ADAM11: variants seen among roughly 807,000 people sequenced by gnomAD.
ADAM11 encodes the protein disintegrin and metalloproteinase domain-containing protein 11.
In ADAM11, 49 loss-of-function variants were observed where a neutral mutation model predicts 119.1. The observed-to-expected ratio is 0.41, with a 90% CI of 0.33 to 0.52. ADAM11 has a LOEUF of 0.52. ADAM11 is among the 20% of genes least tolerant of loss of function. The probability of loss-of-function intolerance (pLI) is 0.20; values close to 1 mark genes in which losing one functional copy is unlikely to be tolerated. For synonymous variants in ADAM11, 364 were observed against 408.0 expected (o/e 0.89, Z 1.30); for missense variants, 777 against 1,047.5 (o/e 0.74, Z 3.56).
At chr17:44,767,547 G>A (rs2049465865) in intron 2 of ADAM11, among the ~76,000 whole-genome samples, 1 of 152,006 alleles carries the variant, frequency 6.6e-6, no homozygotes, top group Admixed American at 6.6e-5. Context: ...GTCCCCGCAT[G>A]GGGCCAGGCC....
rs1239759780 is a variant in ADAM11 at position 44,772,888 on chromosome 17, A to G, written c.710A>G (p.Glu237Gly). Residue 237 changes from glutamate (E) to glycine (G), a missense_variant, in exon 9 of 27, where the codon GAA (glutamate) becomes GGA (glycine). Coordinates refer to ENST00000200557, the MANE Select transcript of ADAM11 (RefSeq NM_002390.6). The surrounding 1 kb of genome is among the most constrained non-coding windows in gnomAD (Gnocchi z 4.5). ...CGGGGCCACCCTACAGTGCACAGTG[A>G]AACCAAGTATGTGGAGCTAATTGTG... The part of the protein sequence containing the change: ...VRRGHPTVHS[E>G]TKYVELIVIN... 4 of 1,613,820 alleles carry G rather than the reference A, an allele frequency of 2.5e-6. No individual in the cohort carries two copies. Among genetic ancestry groups the G allele is most frequent in the Non-Finnish European group, 3.4e-6 (4 of 1,179,932 alleles).
intron 2 of ADAM11, among the ~76,000 whole-genome samples, chr17:44,766,566 C>T (rs34004413): frequency 3.3e-4 from 50 of 152,232 alleles, no homozygotes; most frequent in African/African-American, 1.1e-3. Flanking sequence ...TGTGGCGACA[C>T]GAACTCCAGC....
chr17:44,770,401 G>T (rs989707798), intron 4 of ADAM11, among the ~76,000 whole-genome samples: 5 of 151,936 alleles, frequency 3.3e-5, no homozygotes, highest in African/African-American at 9.7e-5. Context: ...TCAAGGCCCC[G>T]AAAATCCCAG....
rs774551713 is a variant in ADAM11 at position 44,773,463 on chromosome 17, G to A, written c.992+36G>A. ...CACCCTGCACCTCCTGCCAGCCTCTGCTAGTTGCTACAGTGCTTGGGATTA... is the reference window on the plus strand; with the variant it reads ...CACCCTGCACCTCCTGCCAGCCTCTACTAGTTGCTACAGTGCTTGGGATTA... On this transcript the variant is annotated intron_variant, in intron 11 of 26. Transcript: ENST00000200557. The surrounding 1 kb of genome is among the most constrained non-coding windows in gnomAD (Gnocchi z 4.6). The A allele has an allele frequency of 2.5e-6, 4 of 1,602,366 alleles. No homozygotes were observed. The highest frequency in any genetic ancestry group is 1.7e-5 in the Admixed American group (1 of 59,650).
rs1279626887 is a variant in ADAM11, at chr17:44,775,601, T to C, written c.1410T>C (p.Gly470=). The part of the protein sequence containing the change: ...CGSVQECSRA[G]GNCCKKCTLT... ...TCCCTCAGGAGTGCAGCCGCGCAGG[T>C]GGCAACTGCTGCAAGAAATGCACCC... The change falls in exon 17 of 27, where the codon GGT becomes GGC. Residue 470 remains glycine (G), a synonymous_variant. Coordinates refer to ENST00000200557, the MANE Select transcript of ADAM11 (RefSeq NM_002390.6). This position sits in a 1 kb window ranked among gnomAD's most constrained non-coding sequence, Gnocchi z 7.5. The C allele has an allele frequency of 6.3e-7, 1 of 1,581,284 alleles. No homozygotes were observed. The highest frequency in any genetic ancestry group is 8.6e-7 in the Non-Finnish European group (1 of 1,164,916).
intron 13 of ADAM11, 37 bp from the exon 14 acceptor site, chr17:44,774,661 C>T: frequency 6.3e-7 from 1 of 1,593,070 alleles, no homozygotes; most frequent in Non-Finnish European, 8.6e-7. Flanking sequence ...AGGGGTGGTC[C>T]TTGGCCTCCC....
At chr17:44,778,848 G>C (rs2049647786) in intron 25 of ADAM11, among the ~76,000 whole-genome samples, 1 of 152,118 alleles carries the variant, frequency 6.6e-6, no homozygotes, top group Non-Finnish European at 1.5e-5. Flanking sequence ...TAGCCACAGA[G>C]TGGAGCTGGG....
Position 44,773,582 on chromosome 17 carries a change from T to G in ADAM11, c.992+155T>G, listed in dbSNP as rs1167057379. 6.6e-6 allele frequency among the ~76,000 whole-genome samples: 1 copy of G among 152,190 alleles called. No homozygotes were observed. Among genetic ancestry groups the G allele is most frequent in the African/African-American group, 2.4e-5 (1 of 41,446 alleles). On this transcript the variant is annotated intron_variant, in intron 11 of 26. Transcript: ENST00000200557. This position sits in a 1 kb window ranked among gnomAD's most constrained non-coding sequence, Gnocchi z 4.6. ...CCTACCCCCAGCCACATGCAACAGC[T>G]GGGCATCATCCCCTGAATCTGAGGT...
intron 26 of ADAM11, 32 bp from the exon 27 acceptor site, chr17:44,779,707 C>T (rs747920670): frequency 3.8e-6 from 6 of 1,586,074 alleles, no homozygotes; most frequent in African/African-American, 1.4e-5. Flanking sequence ...CCCCTGCTCA[C>T]GTCCTCCCCT....
In ADAM11 at chr17:44,770,488, T is replaced by TCAC. The variant is rs1158996609; in HGVS notation, c.381+441_381+442insACC. ...AATGAGTGTCTATAAATAGCCTGTC[T>TCAC]CCCCCCCCCCCGCCCCCACTGCCTG... On this transcript the variant is annotated intron_variant, in intron 4 of 26. Transcript: ENST00000200557. Among the ~76,000 whole-genome samples, 140 of 60,244 alleles carry TCAC rather than the reference T, an allele frequency of 2.3e-3. 5 individuals carry two copies. Among genetic ancestry groups the TCAC allele is most frequent in the African/African-American group, 7.0e-3 (131 of 18,808 alleles). 39.5% of individuals were successfully genotyped at this position (60,244 alleles called of 152,430 possible).
At position 44,771,814 on chromosome 17, in the gene ADAM11, C is replaced by T; in HGVS notation, c.526C>T (p.Pro176Ser). The change falls in exon 6 of 27, where the codon CCT becomes TCT. Residue 176 changes from proline (P) to serine (S), a missense_variant. Physicochemically the swap from Pro to Ser is moderately conservative, Grantham distance 74 (BLOSUM62 -1). Coordinates refer to ENST00000200557, the MANE Select transcript of ADAM11 (RefSeq NM_002390.6). ...CGTGGAGCCCCAAGAGGTGGCTGGA[C>T]CTTGGGGAGCCCCTCAGGTAAGCCC... ...YIVEPQEVAG[P>S]WGAPQGPLPH... 1.2e-6 allele frequency: 2 copies of T among 1,611,482 alleles called. No homozygotes were observed. The highest frequency in any genetic ancestry group is 8.5e-7 in the Non-Finnish European group (1 of 1,177,900).
intron 2 of ADAM11, among the ~76,000 whole-genome samples, chr17:44,766,975 C>T (rs1039230772): frequency 2.0e-5 from 3 of 151,918 alleles, no homozygotes; most frequent in East Asian, 1.9e-4. Context: ...GAGGCTGAGG[C>T]GGGAGGATGG....
At chr17:44,769,240 A>T (rs1203293161) in intron 2 of ADAM11, among the ~76,000 whole-genome samples, 1 of 152,042 alleles carries the variant, frequency 6.6e-6, no homozygotes, top group Non-Finnish European at 1.5e-5. Context: ...GAGGCCTCCT[A>T]TGTAGATGGA....
intron 2 of ADAM11, among the ~76,000 whole-genome samples, chr17:44,762,563 G>A (rs1048430490): frequency 3.3e-5 from 5 of 152,116 alleles, no homozygotes; most frequent in East Asian, 3.9e-4. Flanking sequence ...AAGCCTAGCC[G>A]GTGTGGAGCT....
intron 2 of ADAM11, among the ~76,000 whole-genome samples, chr17:44,763,321 A>G (rs961207892): frequency 3.3e-5 from 5 of 152,260 alleles, no homozygotes; most frequent in African/African-American, 9.6e-5. Context: ...AACTGCCCCA[A>G]GTGACACAGC....
In ADAM11 at chr17:44,773,016, C is replaced by G; in HGVS notation, c.756C>G (p.Phe252Leu). The change falls in exon 10 of 27, where the codon TTC (phenylalanine) becomes TTG (leucine). Residue 252 changes from phenylalanine (F) to leucine (L), a missense_variant and splice_region_variant. Phe to Leu is a conservative substitution (Grantham distance 22, BLOSUM62 0). This residue lies in a region of ADAM11 where 147 missense variants were observed against 223.3 expected (regional missense o/e 0.66). Transcript: ENST00000200557. The surrounding 1 kb of genome is among the most constrained non-coding windows in gnomAD (Gnocchi z 4.6). Reference sequence around the variant, plus strand: ...CCTCCCATTCTTCTCTCTCCCAGTTCGAGCAGATGCGACAGTCGGTGGTCC... The same window carrying G: ...CCTCCCATTCTTCTCTCTCCCAGTTGGAGCAGATGCGACAGTCGGTGGTCC... Reference protein sequence around the residue: ...ELIVINDHQLFEQMRQSVVLT... With the variant: ...ELIVINDHQLLEQMRQSVVLT... 3.7e-6 allele frequency: 6 copies of G among 1,614,082 alleles called. No homozygotes were observed. The highest frequency in any genetic ancestry group is 1.6e-4 in the Middle Eastern group (1 of 6,062).
intron 2 of ADAM11, among the ~76,000 whole-genome samples, chr17:44,763,007 G>A (rs977741795): frequency 1.3e-5 from 2 of 151,620 alleles, no homozygotes; most frequent in Admixed American, 6.6e-5. Context: ...ATGGTGCTGC[G>A]CACCTGTAGT....
In ADAM11 at chr17:44,776,759, G is replaced by A. The variant is rs1242106555; in HGVS notation, c.1581G>A (p.Leu527=). 6.2e-7 allele frequency: 1 copy of A among 1,614,122 alleles called. No homozygotes were observed. The highest frequency in any genetic ancestry group is 8.5e-7 in the Non-Finnish European group (1 of 1,180,012). Residue 527 remains leucine (L), a synonymous_variant, in exon 19 of 27, where the codon CTG becomes CTA. Coordinates refer to ENST00000200557, the MANE Select transcript of ADAM11 (RefSeq NM_002390.6). The surrounding 1 kb of genome is among the most constrained non-coding windows in gnomAD (Gnocchi z 5.2). ...TGDSSQCPPN[L]HKLDGYYCDH... is the part of the protein sequence containing the mutation. ...TCTCTCCACAGTGCCCGCCTAACCT[G>A]CACAAGCTGGACGGTTACTACTGTG...
intron 2 of ADAM11, among the ~76,000 whole-genome samples, chr17:44,767,308 T>C (rs2049462052): frequency 6.8e-6 from 1 of 147,068 alleles, no homozygotes; most frequent in Non-Finnish European, 1.5e-5. Flanking sequence ...TGAGCTGAGA[T>C]TGCACCACTG....
Sources: gnomAD v4.1 joint callset for allele counts (sites outside exome capture counted in the v4.1 genomes callset) on GRCh38, gnomAD v4.1.1 for gene constraint, gnomAD v4.1.1 regional missense constraint, Gnocchi (gnomAD v3.1) non-coding constraint, MANE v1.5 for transcripts, NCBI Gene and HGNC (gene_info 2026-07-23, HGNC 2026-07-21) for gene names.